The following PIEZO2 variants were observed in gnomAD, a reference collection of about 807,000 sequenced individuals.
PIEZO2 encodes piezo type mechanosensitive ion channel component 2, also known as piezo-type mechanosensitive ion channel component 2.
A neutral mutation model predicts 337.3 loss-of-function variants in PIEZO2; 172 were observed. The ratio of observed to expected loss-of-function variants is 0.51; its 90% CI spans 0.45 to 0.58. The LOEUF is 0.58. Ranked by LOEUF, PIEZO2 falls within the 20% of genes least tolerant of loss-of-function variation. The pLI is 0.00. For missense variants in PIEZO2, 3,028 were observed against 3,391.3 expected (o/e 0.89, Z 2.66); for synonymous variants, 1,251 against 1,228.5 (o/e 1.02, Z -0.38).
chr18:11,101,774 G>A lies in PIEZO2; in HGVS notation c.65-35552C>T, dbSNP rs1228600447. 6.6e-6 allele frequency among the ~76,000 whole-genome samples: 1 copy of A among 152,144 alleles called. No individual in the cohort carries two copies. The highest frequency in any genetic ancestry group is 2.4e-5 in the African/African-American group (1 of 41,434). On this transcript the variant is annotated intron_variant, in intron 1 of 55. Coordinates refer to ENST00000674853, the MANE Select transcript of PIEZO2 (RefSeq NM_001378183.1). This position sits in a 1 kb window ranked among gnomAD's most constrained non-coding sequence, Gnocchi z 4.4. ...AAAATGCTAGATTGATAAATATCCT[G>A]AGGAAAAATGTAGACCCCGACCAGG...
chr18:11,097,075 T>G lies in PIEZO2; in HGVS notation c.65-30853A>C, dbSNP rs988865866. Among the ~76,000 whole-genome samples, 2 of 152,216 alleles carry G rather than the reference T, an allele frequency of 1.3e-5. No homozygotes were observed. Among genetic ancestry groups the G allele is most frequent in the African/African-American group, 4.8e-5 (2 of 41,462 alleles). On this transcript the variant is annotated intron_variant, in intron 1 of 55. Coordinates refer to ENST00000674853, the MANE Select transcript of PIEZO2 (RefSeq NM_001378183.1). This position sits in a 1 kb window ranked among gnomAD's most constrained non-coding sequence, Gnocchi z 5.0. ...GTCTCCAGTGTAGGACGATCTTTTGTATACAAGGCAATTTCATCCTCTCCT... is the reference window on the plus strand; with the variant it reads ...GTCTCCAGTGTAGGACGATCTTTTGGATACAAGGCAATTTCATCCTCTCCT...
At chr18:10,715,891 GT>G in intron 37 of PIEZO2, 75 bp from the exon 38 acceptor site, 1 of 1,249,234 alleles carries the variant, frequency 8.0e-7, no homozygotes, top group Non-Finnish European at 1.1e-6. Flanking sequence ...GCCCAGCGAT[GT>G]TTTACCAAAG....
intron 3 of PIEZO2, among the ~76,000 whole-genome samples, chr18:10,936,414 A>C (rs1445191824): frequency 6.6e-6 from 1 of 152,126 alleles, no homozygotes; most frequent in Non-Finnish European, 1.5e-5. Context: ...CTCCTCCGAA[A>C]ATTTTTTTTA....
At chr18:10,892,416 C>A (rs1182613476) in intron 4 of PIEZO2, among the ~76,000 whole-genome samples, 1 of 152,068 alleles carries the variant, frequency 6.6e-6, no homozygotes, top group Non-Finnish European at 1.5e-5. Flanking sequence ...ACATGACAAT[C>A]CAGAAAAGGT....
At position 10,682,329 on chromosome 18, in the gene PIEZO2, C is replaced by G; in HGVS notation, c.7498-37G>C. 1.3e-6 allele frequency: 2 copies of G among 1,503,662 alleles called. No homozygotes were observed. The highest frequency in any genetic ancestry group is 1.8e-6 in the Non-Finnish European group (2 of 1,126,736). 93.1% of individuals were successfully genotyped at this position (1,503,662 alleles called of 1,614,324 possible). On this transcript the variant is annotated intron_variant, in intron 49 of 55. Coordinates refer to ENST00000674853, the MANE Select transcript of PIEZO2 (RefSeq NM_001378183.1). This position sits in a 1 kb window ranked among gnomAD's most constrained non-coding sequence, Gnocchi z 5.6. ...AGTTCAGACAAGGCTCAGGCTCAGGCTCAGGTGCTTTCCCGCAGGCAGCGG... is the reference window on the plus strand; with the variant it reads ...AGTTCAGACAAGGCTCAGGCTCAGGGTCAGGTGCTTTCCCGCAGGCAGCGG...
At chr18:10,955,282 T>C (rs74939981) in intron 3 of PIEZO2, among the ~76,000 whole-genome samples, 2,785 of 152,216 alleles carry the variant, frequency 0.018, 105 homozygotes, top group African/African-American at 0.063. Context: ...GCAATCGAGG[T>C]TGGGCTCAGG....
At chr18:10,753,966 T>C (rs1182897053) in intron 27 of PIEZO2, among the ~76,000 whole-genome samples, 1 of 152,234 alleles carries the variant, frequency 6.6e-6, no homozygotes. Context: ...GGTAGTGATT[T>C]GCATGAGCCT....
intron 2 of PIEZO2, among the ~76,000 whole-genome samples, chr18:11,023,917 G>C (rs1054208177): frequency 6.6e-6 from 1 of 152,202 alleles, no homozygotes; most frequent in Non-Finnish European, 1.5e-5. Context: ...GCCCGGGGCC[G>C]GCAGGACTGG....
Position 11,126,677 on chromosome 18 carries a change from A to T in PIEZO2, c.64+21848T>A, listed in dbSNP as rs75797803. On this transcript the variant is annotated intron_variant, in intron 1 of 55. Coordinates refer to ENST00000674853, the MANE Select transcript of PIEZO2 (RefSeq NM_001378183.1). The surrounding 1 kb of genome is among the most constrained non-coding windows in gnomAD (Gnocchi z 4.6). ...CAGAATCGAGCCATCCTGATAGGCC[A>T]GTAAATGTTTATTGAATGAATCAAT... is the stretch of plus-strand genomic sequence containing the variant. Among the ~76,000 whole-genome samples, 1,523 of 152,006 alleles carry T rather than the reference A, an allele frequency of 0.01. 30 individuals are homozygous for T. Among genetic ancestry groups the T allele is most frequent in the African/African-American group, 0.035 (1,448 of 41,438 alleles).
intron 7 of PIEZO2, among the ~76,000 whole-genome samples, chr18:10,826,823 C>A (rs1219182764): frequency 1.3e-5 from 2 of 152,138 alleles, no homozygotes; most frequent in Non-Finnish European, 2.9e-5. Context: ...AATAATGTCA[C>A]CACCCTAAAA....
rs202188541 is a variant in PIEZO2 at position 11,133,870 on chromosome 18, C to CTA, written c.64+14654_64+14655insTA. On this transcript the variant is annotated intron_variant, in intron 1 of 55. Transcript: ENST00000674853. Reference sequence around the variant, plus strand: ...ATATACACTTAATAAACTCCTCTCTCTCTATATATATATACATATACACAC... The same window carrying CTA: ...ATATACACTTAATAAACTCCTCTCTCTATCTATATATATATACATATACACAC... 5.7e-4 allele frequency among the ~76,000 whole-genome samples: 87 copies of CTA among 151,744 alleles called. No homozygotes were observed. In the East Asian group the frequency reaches 0.015, roughly 27 times the overall value.
rs1010294521 is a variant in PIEZO2, at chr18:11,097,610, T to C, written c.65-31388A>G. ...TAATCACCACCACCAAAACAAGTTG[T>C]CTTCACCTGGATGCTCCCCTTCACA... On this transcript the variant is annotated intron_variant, in intron 1 of 55. Transcript: ENST00000674853. The surrounding 1 kb of genome is among the most constrained non-coding windows in gnomAD (Gnocchi z 5.0). Among the ~76,000 whole-genome samples, 1 of 152,230 alleles carries C rather than the reference T, an allele frequency of 6.6e-6. No individual in the cohort carries two copies. Among genetic ancestry groups the C allele is most frequent in the Non-Finnish European group, 1.5e-5 (1 of 68,038 alleles).
At position 11,124,231 on chromosome 18, in the gene PIEZO2, AT is replaced by A. The variant is rs374059660; in HGVS notation, c.64+24293del. On this transcript the variant is annotated intron_variant, in intron 1 of 55. Coordinates refer to ENST00000674853, the MANE Select transcript of PIEZO2 (RefSeq NM_001378183.1). The stretch of plus-strand genomic sequence containing the variant: ...CAGTTGAAAATGTGAGTTGCTCAAT[AT>A]TTGCATGGGAGACTCAGCCACTTGT... Among the ~76,000 whole-genome samples, 219 of 152,296 alleles carry A rather than the reference AT, an allele frequency of 1.4e-3. 1 individual carries two copies. Among genetic ancestry groups the A allele is most frequent in the African/African-American group, 4.6e-3 (193 of 41,560 alleles).
In PIEZO2 at chr18:11,102,125, CAA is replaced by C. The variant is rs2146097781; in HGVS notation, c.65-35905_65-35904del. 6.6e-6 allele frequency among the ~76,000 whole-genome samples: 1 copy of C among 152,202 alleles called. No individual in the cohort carries two copies. Among genetic ancestry groups the C allele is most frequent in the Admixed American group, 6.5e-5 (1 of 15,284 alleles). On this transcript the variant is annotated intron_variant, in intron 1 of 55. Coordinates refer to ENST00000674853, the MANE Select transcript of PIEZO2 (RefSeq NM_001378183.1). This position sits in a 1 kb window ranked among gnomAD's most constrained non-coding sequence, Gnocchi z 5.7. ...ACCAAAACCCTTCTAAACTAAGAAA[CAA>C]AGAGACTGACCGTCTACCATGGTCC...
chr18:10,806,259 G>A (rs955912081), intron 8 of PIEZO2, among the ~76,000 whole-genome samples: 7 of 152,128 alleles, frequency 4.6e-5, no homozygotes, highest in Non-Finnish European at 1.5e-5. Flanking sequence ...AGGGTTCCCC[G>A]CAGGTGGGGC....
rs905755231 is a variant in PIEZO2 at position 10,828,141 on chromosome 18, TTTTTTTTTTTTTTTACA to T, written c.918-20884_918-20868del. On this transcript the variant is annotated intron_variant, in intron 7 of 55. Coordinates refer to ENST00000674853, the MANE Select transcript of PIEZO2 (RefSeq NM_001378183.1). This position sits in a 1 kb window ranked among gnomAD's most constrained non-coding sequence, Gnocchi z 4.1. ...GTTTTTTTTTGTTTGTTTGTTTTTG[TTTTTTTTTTTTTTTACA>T]GTAAAACCAATCCTGTATGTAGTCA... is the stretch of plus-strand genomic sequence containing the variant. Among the ~76,000 whole-genome samples the T allele has an allele frequency of 4.3e-4, 8 of 18,426 alleles. No individual in the cohort carries two copies. The Admixed American group carries it at 4.6e-3, about 11-fold the overall frequency. The allele number at this position is 18,426 out of a possible 152,430, so 12.1% of individuals were successfully genotyped here.
Position 10,960,099 on chromosome 18 carries a change from G to A in PIEZO2, c.286+19436C>T, listed in dbSNP as rs190841428. Reference sequence around the variant, plus strand: ...AGCTTTGGGATATTGACATCATAAGGCTGTGAGCTTGATCTGACAGAAATG... The same window carrying A: ...AGCTTTGGGATATTGACATCATAAGACTGTGAGCTTGATCTGACAGAAATG... On this transcript the variant is annotated intron_variant, in intron 3 of 55. Transcript: ENST00000674853. Among the ~76,000 whole-genome samples, 41 of 152,182 alleles carry A rather than the reference G, an allele frequency of 2.7e-4. 1 individual carries two copies. In the East Asian group the frequency reaches 6.8e-3, roughly 25 times the overall value.
chr18:11,089,856 TC>T, intron 1 of PIEZO2, among the ~76,000 whole-genome samples: 1 of 152,340 alleles, frequency 6.6e-6, no homozygotes, highest in East Asian at 1.9e-4. Context: ...CTTAGCCCCT[TC>T]CTGCAGCCCT....
chr18:11,059,131 C>G (rs1389224342), intron 2 of PIEZO2, among the ~76,000 whole-genome samples: 5 of 152,162 alleles, frequency 3.3e-5, no homozygotes, highest in Admixed American at 1.3e-4. Flanking sequence ...AATTTTCAAC[C>G]CAGAATTTCA....
Sources: allele counts gnomAD v4.1 joint callset (sites outside exome capture counted in the v4.1 genomes callset), GRCh38; gene constraint gnomAD v4.1.1; non-coding constraint Gnocchi (gnomAD v3.1); transcripts MANE v1.5; gene names NCBI Gene and HGNC (gene_info 2026-07-23, HGNC 2026-07-21).